Variants in FAT3 observed in about 807,000 individuals in gnomAD.
The protein encoded by FAT3 is FAT atypical cadherin 3, also known as protocadherin Fat 3.
Under a neutral mutation model 310.2 loss-of-function variants are expected in FAT3, and 95 were observed. The observed-to-expected ratio is 0.31, with a 90% confidence interval of 0.26 to 0.36. The LOEUF is 0.36. Ranked by LOEUF, FAT3 falls within the 10% of genes least tolerant of loss-of-function variation. The pLI is 1.00. For synonymous variants in FAT3, 2,314 were observed against 2,192.9 expected, an observed-to-expected ratio of 1.06 and a Z score of -1.54; for missense variants, 5,408 against 5,715.6, an observed-to-expected ratio of 0.95 and a Z score of 1.74.
At chr11:92,299,208 A>C (rs1191652209) in intron 1 of FAT3, among the ~76,000 whole-genome samples, 1 of 152,072 alleles carries the variant, frequency 6.6e-6, no homozygotes, top group East Asian at 1.9e-4. Flanking sequence ...GATTAATCAA[A>C]CTGAGCAAAT....
chr11:92,537,948 G>T (rs1470091050), intron 3 of FAT3, among the ~76,000 whole-genome samples: 1 of 152,022 alleles, frequency 6.6e-6, no homozygotes, highest in African/African-American at 2.4e-5. Context: ...ATCAGGGAAA[G>T]ATATTTATCT....
At chr11:92,796,785 C>T (rs907934025) in intron 9 of FAT3, among the ~76,000 whole-genome samples, 2 of 152,246 alleles carry the variant, frequency 1.3e-5, no homozygotes. Flanking sequence ...TCTTTACATA[C>T]TCCACATTGT....
At chr11:92,879,192 G>A (rs988515896) in intron 22 of FAT3, among the ~76,000 whole-genome samples, 14 of 152,228 alleles carry the variant, frequency 9.2e-5, no homozygotes, top group Non-Finnish European at 1.8e-4. Flanking sequence ...GACATGTTCA[G>A]CTATGCAAAG....
intron 1 of FAT3, among the ~76,000 whole-genome samples, chr11:92,320,682 A>G (rs547881639): frequency 1.3e-5 from 2 of 152,248 alleles, no homozygotes; most frequent in South Asian, 4.2e-4. Flanking sequence ...AGCCTGACCA[A>G]CATGGTGAAA....
At chr11:92,367,536 T>C (rs1949059240) in intron 2 of FAT3, among the ~76,000 whole-genome samples, 1 of 152,230 alleles carries the variant, frequency 6.6e-6, no homozygotes, top group African/African-American at 2.4e-5. Context: ...AGGGCTAACA[T>C]GGGAAGTTCA....
intron 1 of FAT3, among the ~76,000 whole-genome samples, chr11:92,249,211 C>A (rs1006628232): frequency 2.0e-5 from 3 of 152,066 alleles, no homozygotes; most frequent in African/African-American, 7.2e-5. Flanking sequence ...TGGAAACAGA[C>A]GTCATTACCT....
intron 3 of FAT3, among the ~76,000 whole-genome samples, chr11:92,588,397 T>G (rs1415990920): frequency 6.6e-6 from 1 of 152,158 alleles, no homozygotes; most frequent in East Asian, 1.9e-4. Flanking sequence ...TGTAACAGAA[T>G]GTACTATTAT....
Position 92,415,849 on chromosome 11 carries a change from CTTTTTTT to C in FAT3, c.3292+60463_3292+60469del, listed in dbSNP as rs1196695394. On this transcript the variant is annotated intron_variant, in intron 2 of 27. Transcript: ENST00000525166. ...CAATCTTTTAGCATAAGCATTTTTG[CTTTTTTT>C]TTTTTTTTTTTTTTTTTAAGAGATT... 2.7e-4 allele frequency among the ~76,000 whole-genome samples: 19 copies of C among 70,404 alleles called. No homozygotes were observed. In the East Asian group the frequency reaches 3.6e-3, roughly 13 times the overall value. 46.2% of individuals were successfully genotyped at this position (70,404 alleles called of 152,430 possible). A position where few individuals can be genotyped will look rare whatever the true frequency, so the allele number is the denominator to read the frequency against.
At chr11:92,508,865 C>T (rs1366193668) in intron 2 of FAT3, among the ~76,000 whole-genome samples, 1 of 152,150 alleles carries the variant, frequency 6.6e-6, no homozygotes, top group Non-Finnish European at 1.5e-5. Context: ...GCACATCCAC[C>T]TGAAAATGTT....
chr11:92,360,601 C>G (rs917084026), intron 2 of FAT3, among the ~76,000 whole-genome samples: 2 of 152,254 alleles, frequency 1.3e-5, no homozygotes, highest in Non-Finnish European at 2.9e-5. Flanking sequence ...AAGGTACAAA[C>G]TTGATCAATG....
At chr11:92,476,221 T>C (rs1952049520) in intron 2 of FAT3, among the ~76,000 whole-genome samples, 1 of 152,178 alleles carries the variant, frequency 6.6e-6, no homozygotes, top group African/African-American at 2.4e-5. Context: ...TAACTTATTT[T>C]GGATTTGGCT....
intron 13 of FAT3, among the ~76,000 whole-genome samples, chr11:92,812,253 T>C (rs963910092): frequency 9.2e-5 from 14 of 152,194 alleles, no homozygotes; most frequent in Non-Finnish European, 1.8e-4. Flanking sequence ...GGAGCCAAAC[T>C]GAACCTCTGT....
In FAT3 at chr11:92,248,346, C is replaced by G. The variant is rs2134271223; in HGVS notation, c.-18+23172C>G. On this transcript the variant is annotated intron_variant, in intron 1 of 27. Coordinates refer to ENST00000525166, the MANE Select transcript of FAT3 (RefSeq NM_001367949.2). ...AATCAACACATCTCACACTAGATTT[C>G]ATGTCTCATACAGATGGCATTACCC... Among the ~76,000 whole-genome samples, 2 of 152,196 alleles carry G rather than the reference C, an allele frequency of 1.3e-5. 1 individual carries two copies. Among genetic ancestry groups the G allele is most frequent in the South Asian group, 4.1e-4 (2 of 4,822 alleles).
chr11:92,834,091 C>G (rs1948336209), intron 14 of FAT3, among the ~76,000 whole-genome samples: 1 of 152,194 alleles, frequency 6.6e-6, no homozygotes, highest in African/African-American at 2.4e-5. Flanking sequence ...GAGAAGTGTT[C>G]TGCAGGCAAT....
chr11:92,769,882 C>G (rs747905302), intron 6 of FAT3, among the ~76,000 whole-genome samples: 4 of 152,150 alleles, frequency 2.6e-5, no homozygotes, highest in African/African-American at 7.2e-5. Flanking sequence ...AACCTTGTCC[C>G]CAGTGGAGCC....
chr11:92,456,794 ACT>A (rs1791312565), intron 2 of FAT3, among the ~76,000 whole-genome samples: 1 of 152,086 alleles, frequency 6.6e-6, no homozygotes, highest in Admixed American at 6.5e-5. Flanking sequence ...TGATGAATGC[ACT>A]GTCATTCTTT....
chr11:92,497,903 A>G (rs1952813003), intron 2 of FAT3, among the ~76,000 whole-genome samples: 1 of 152,010 alleles, frequency 6.6e-6, no homozygotes, highest in South Asian at 2.1e-4. Flanking sequence ...AGGCATAAAC[A>G]CAAGAGAATC....
chr11:92,805,169 A>C lies in FAT3; in HGVS notation c.8913A>C (p.Gly2971=). 6.8e-6 allele frequency: 11 copies of C among 1,610,030 alleles called. No individual in the cohort carries two copies. The highest frequency in any genetic ancestry group is 8.5e-6 in the Non-Finnish European group (10 of 1,177,536). ...TAACTGCAGGAGGAAACCCTCGAGGAAGGTTTGCTCTGGGCCTGGTGCAAA... is the reference window on the plus strand; with the variant it reads ...TAACTGCAGGAGGAAACCCTCGAGGCAGGTTTGCTCTGGGCCTGGTGCAAA... The part of the protein sequence containing the change: ...SYHITGGNPR[G]RFALGLVQSE... The change falls in exon 11 of 28, where the codon GGA becomes GGC. Residue 2971 remains glycine, a synonymous_variant. Transcript: ENST00000525166.
intron 1 of FAT3, among the ~76,000 whole-genome samples, chr11:92,261,975 CA>C (rs1865574255): frequency 6.6e-6 from 1 of 151,758 alleles, no homozygotes; most frequent in South Asian, 2.1e-4. Flanking sequence ...CTCCTTTATA[CA>C]TATTTACTCT....
Sources: allele counts gnomAD v4.1 joint callset (sites outside exome capture counted in the v4.1 genomes callset), GRCh38; gene constraint gnomAD v4.1.1; transcripts MANE v1.5; gene names NCBI Gene and HGNC (gene_info 2026-07-23, HGNC 2026-07-21).